Variants in COL4A6 observed in about 807,000 individuals in gnomAD.
The protein encoded by COL4A6 is collagen type IV alpha 6 chain, also known as collagen alpha-6(IV) chain.
Under a neutral mutation model 126.7 loss-of-function variants are expected in COL4A6, and 59 were observed. That is an observed-to-expected ratio of 0.47 (90% CI 0.38 to 0.58). The LOEUF is 0.58. Among genes scored for constraint, COL4A6 ranks in the 20% least tolerant of loss-of-function variants. The probability of loss-of-function intolerance (pLI) is 0.00; values close to 1 mark genes in which losing one functional copy is unlikely to be tolerated. For missense variants in COL4A6, 1,285 were observed against 1,337.3 expected (o/e 0.96, Z 0.61); for synonymous variants, 547 against 496.6 (o/e 1.10, Z -1.35).
At chrX:108,186,911 G>GC (rs1346504233) in intron 23 of COL4A6, among the ~76,000 whole-genome samples, 185 bp downstream of exon 23, 1 of 111,280 alleles carries the variant, frequency 9.0e-6, no homozygotes, top group Non-Finnish European at 1.9e-5. Flanking sequence ...ATGTTATTCT[G>GC]CCCCCTAAGC....
chrX:108,339,388 T>C (rs920463041), intron 2 of COL4A6, among the ~76,000 whole-genome samples: 2 of 111,881 alleles, frequency 1.8e-5, no homozygotes, highest in East Asian at 5.7e-4. Context: ...CTTTCCTTTT[T>C]GATCTACTCT....
intron 3 of COL4A6, among the ~76,000 whole-genome samples, chrX:108,228,269 G>A (rs2148284666): frequency 8.9e-6 from 1 of 112,327 alleles, no homozygotes; most frequent in African/African-American, 3.2e-5. Context: ...CAGAGGTTAA[G>A]ATGGCAGGTA....
chrX:108,353,859 G>C (rs1196103838), intron 2 of COL4A6, among the ~76,000 whole-genome samples: 1 of 112,440 alleles, frequency 8.9e-6, no homozygotes, highest in Non-Finnish European at 1.9e-5. Context: ...TGTTTTGATA[G>C]AAAGTGATGC....
At chrX:108,194,878 T>G (rs2035161720) in intron 15 of COL4A6, among the ~76,000 whole-genome samples, 3 of 111,619 alleles carry the variant, frequency 2.7e-5, no homozygotes, top group Admixed American at 1.9e-4. Flanking sequence ...CAGCATGGCA[T>G]GGCAAGGCAC....
At chrX:108,265,317 G>A (rs187814886) in intron 3 of COL4A6, among the ~76,000 whole-genome samples, 42 of 110,633 alleles carry the variant, frequency 3.8e-4, no homozygotes, top group African/African-American at 1.2e-3. Flanking sequence ...TCTAGTTGGA[G>A]GAGAGTGACA....
chrX:108,222,319 A>G (rs2036039553), intron 3 of COL4A6, among the ~76,000 whole-genome samples: 1 of 112,080 alleles, frequency 8.9e-6, no homozygotes, highest in African/African-American at 3.2e-5. Flanking sequence ...AGAGAGCACA[A>G]CACCGTATCA....
At chrX:108,277,307 G>A (rs1343252383) in intron 3 of COL4A6, among the ~76,000 whole-genome samples, 1 of 112,044 alleles carries the variant, frequency 8.9e-6, no homozygotes, top group African/African-American at 3.2e-5. Context: ...TTTTCCGGTG[G>A]GCTTAAAAAA....
At position 108,187,108 on chromosome X, in the gene COL4A6, G is replaced by T. The variant is rs745484454; in HGVS notation, c.1939C>A (p.Pro647Thr). The change falls in exon 23 of 45, where the codon CCC becomes ACC. Residue 647 changes from proline to threonine, a missense_variant. Physicochemically the swap from Pro to Thr is conservative, Grantham distance 38. Transcript: ENST00000334504. ...KDGLPGQQGL[P>T]GSKGITLPCI... The stretch of plus-strand genomic sequence containing the variant: ...TTCTATGACTCACCCTTAGATCCGG[G>T]AAGGCCTTGTTGTCCCGGTAATCCA... The T allele has an allele frequency of 8.6e-7, 1 of 1,157,802 alleles. No homozygotes were observed. The highest frequency in any genetic ancestry group is 2.1e-5 in the South Asian group (1 of 47,801).
intron 2 of COL4A6, among the ~76,000 whole-genome samples, chrX:108,332,948 T>C (rs377106943): frequency 2.2e-4 from 24 of 111,496 alleles, no homozygotes; most frequent in African/African-American, 6.8e-4. Context: ...AGTTTTTTTT[T>C]CTAGAATTTT....
intron 2 of COL4A6, among the ~76,000 whole-genome samples, chrX:108,311,953 C>T (rs777535511): frequency 8.9e-6 from 1 of 111,852 alleles, no homozygotes; most frequent in South Asian, 3.7e-4. Context: ...AACCCTTAAG[C>T]CTTAGTGTTT....
intron 2 of COL4A6, among the ~76,000 whole-genome samples, chrX:108,388,495 A>T: frequency 8.9e-6 from 1 of 111,765 alleles, no homozygotes; most frequent in East Asian, 2.8e-4. Flanking sequence ...TTTCTAGTTT[A>T]TTTGTGTAGA....
Position 108,287,382 on chromosome X carries a change from G to A in COL4A6, c.144+23366C>T, listed in dbSNP as rs2038036212. Among the ~76,000 whole-genome samples the A allele has an allele frequency of 2.7e-5, 3 of 110,153 alleles. No individual in the cohort carries two copies. In the South Asian group the frequency reaches 1.3e-3, roughly 46 times the overall value. ...TCTGGTTGGGTGCTGGATATTTTGTGTTTCTGTAAATACTCCTTGGCTTTG... is the reference window on the plus strand; with the variant it reads ...TCTGGTTGGGTGCTGGATATTTTGTATTTCTGTAAATACTCCTTGGCTTTG... On this transcript the variant is annotated intron_variant, in intron 3 of 44. Transcript: ENST00000334504.
chrX:108,224,355 A>C (rs1409012266), intron 3 of COL4A6, among the ~76,000 whole-genome samples: 1 of 112,148 alleles, frequency 8.9e-6, no homozygotes, highest in African/African-American at 3.2e-5. Context: ...TTCTTTTTCC[A>C]AATAGAAGTT....
At chrX:108,317,100 G>A (rs2038898246) in intron 2 of COL4A6, among the ~76,000 whole-genome samples, 1 of 112,413 alleles carries the variant, frequency 8.9e-6, no homozygotes, top group Non-Finnish European at 1.9e-5. Context: ...TCAGCAGGAT[G>A]ATGGATGTTT....
intron 3 of COL4A6, among the ~76,000 whole-genome samples, chrX:108,255,736 C>T (rs966788805): frequency 2.2e-4 from 24 of 111,230 alleles, no homozygotes; most frequent in Non-Finnish European, 3.8e-5. Flanking sequence ...CATTTGGACT[C>T]TCTTTCAACT....
At chrX:108,186,717 C>T (rs911819420) in intron 23 of COL4A6, among the ~76,000 whole-genome samples, 2 of 111,093 alleles carry the variant, frequency 1.8e-5, no homozygotes, top group African/African-American at 3.3e-5. Context: ...GATATTACCA[C>T]ACAATTTAGA....
At chrX:108,171,827 G>A (rs773613674) in intron 32 of COL4A6, among the ~76,000 whole-genome samples, 1 of 111,994 alleles carries the variant, frequency 8.9e-6, no homozygotes, top group East Asian at 2.8e-4. Context: ...GAAGAGACTG[G>A]AGCCGAGGTT....
intron 19 of COL4A6, among the ~76,000 whole-genome samples, chrX:108,190,815 C>T (rs1361207895): frequency 3.6e-5 from 4 of 112,307 alleles, no homozygotes; most frequent in Non-Finnish European, 7.5e-5. Context: ...GAAACCTCCC[C>T]TAGGACAAAA....
intron 2 of COL4A6, among the ~76,000 whole-genome samples, chrX:108,337,386 G>A (rs1944214340): frequency 8.9e-6 from 1 of 111,910 alleles, no homozygotes; most frequent in African/African-American, 3.2e-5. Context: ...TCCACAATTG[G>A]CCTCAAAACT....
Sources: gnomAD v4.1 joint callset for allele counts (sites outside exome capture counted in the v4.1 genomes callset) on GRCh38, gnomAD v4.1.1 for gene constraint, MANE v1.5 for transcripts, NCBI Gene and HGNC (gene_info 2026-07-23, HGNC 2026-07-21) for gene names.